Variants in DNAI4 observed in about 807,000 individuals in gnomAD.
DNAI4 encodes the protein dynein axonemal intermediate chain 4, also known as WD repeat domain 78.
DNAI4 carries 85 observed loss-of-function variants against 105.8 expected under a neutral mutation model. The observed-to-expected ratio is 0.80, with a 90% CI of 0.67 to 0.96. The LOEUF is 0.96. Among genes scored for constraint, DNAI4 ranks in the 40% least tolerant of loss-of-function variants. The pLI, the probability that DNAI4 is intolerant of heterozygous loss-of-function variation, is 0.00. For synonymous variants in DNAI4, 352 were observed against 331.5 expected (o/e 1.06, Z -0.67); for missense variants, 1,014 against 1,005.6 (o/e 1.01, Z -0.11).
At chr1:66,862,595 G>C (rs1258920762) in intron 6 of DNAI4, among the ~76,000 whole-genome samples, 1 of 152,060 alleles carries the variant, frequency 6.6e-6, no homozygotes, top group Non-Finnish European at 1.5e-5. Flanking sequence ...AGAATCTACT[G>C]TTTATTTTTA....
chr1:66,867,828 TG>T (rs2100639940), intron 6 of DNAI4, among the ~76,000 whole-genome samples: 1 of 152,346 alleles, frequency 6.6e-6, no homozygotes, highest in South Asian at 2.1e-4. Flanking sequence ...TAGTTGGAAC[TG>T]CCAAAACAAA....
intron 6 of DNAI4, among the ~76,000 whole-genome samples, chr1:66,866,618 T>C (rs1211666735): frequency 6.6e-6 from 1 of 152,178 alleles, no homozygotes; most frequent in Admixed American, 6.5e-5. Context: ...TGTTTCACAG[T>C]TGGTTTTGGT....
chr1:66,849,681 C>T (rs1397321527), intron 7 of DNAI4, among the ~76,000 whole-genome samples: 1 of 152,018 alleles, frequency 6.6e-6, no homozygotes, highest in African/African-American at 2.4e-5. Flanking sequence ...TAGAAAGTAT[C>T]ATCAAAGGAA....
chr1:66,833,927 T>A, intron 12 of DNAI4, 64 bp downstream of exon 12: 1 of 1,520,374 alleles, frequency 6.6e-7, no homozygotes, highest in Non-Finnish European at 8.8e-7. Context: ...CTTTCACACA[T>A]GGTTAACTAG....
At chr1:66,823,371 G>A (rs984617832) in intron 15 of DNAI4, among the ~76,000 whole-genome samples, 8 of 152,066 alleles carry the variant, frequency 5.3e-5, no homozygotes, top group Non-Finnish European at 1.2e-4. Context: ...ATAAACATGC[G>A]TGTGCATGTG....
chr1:66,871,463 T>C lies in DNAI4; in HGVS notation c.847A>G (p.Asn283Asp). The change falls in exon 6 of 17, where the codon AAT (asparagine) becomes GAT (aspartate). Residue 283 changes from asparagine to aspartate, a missense_variant. Physicochemically the swap from Asn to Asp is conservative, Grantham distance 23. Coordinates refer to ENST00000371026, the MANE Select transcript of DNAI4 (RefSeq NM_024763.5). ...YEVLCRNRLG[N>D]DLYVERMMQT... is the part of the protein sequence containing the mutation. ...ATCATCCTTTCAACATATAGGTCAT[T>C]GCCTAATCTGTTTCTACAAAGGACT... The C allele has an allele frequency of 1.2e-6, 2 of 1,610,196 alleles. No homozygotes were observed. The highest frequency in any genetic ancestry group is 8.5e-7 in the Non-Finnish European group (1 of 1,178,362).
At chr1:66,827,090 C>G in intron 14 of DNAI4, 44 bp from the exon 15 acceptor site, 2 of 1,487,026 alleles carry the variant, frequency 1.3e-6, no homozygotes, top group Non-Finnish European at 1.8e-6. Flanking sequence ...TATTTAACAT[C>G]TTTTATTTTA....
chr1:66,882,062 G>C (rs1373450773), intron 4 of DNAI4, among the ~76,000 whole-genome samples: 1 of 152,098 alleles, frequency 6.6e-6, no homozygotes, highest in Admixed American at 6.5e-5. Flanking sequence ...CACCATGATT[G>C]TGAGGCCTCC....
intron 7 of DNAI4, among the ~76,000 whole-genome samples, chr1:66,851,327 A>C (rs543716004): frequency 6.6e-6 from 1 of 152,040 alleles, no homozygotes; most frequent in African/African-American, 2.4e-5. Context: ...AAGGCTATAA[A>C]ATATGTAAAG....
At chr1:66,924,274 G>C (rs1441761416) in intron 1 of DNAI4, among the ~76,000 whole-genome samples, 1 of 152,194 alleles carries the variant, frequency 6.6e-6, no homozygotes, top group Non-Finnish European at 1.5e-5. Flanking sequence ...GGGTTCAAGG[G>C]ATTCTCCTGC....
intron 15 of DNAI4, among the ~76,000 whole-genome samples, chr1:66,822,850 T>C (rs888690339): frequency 6.6e-6 from 1 of 152,080 alleles, no homozygotes; most frequent in African/African-American, 2.4e-5. Context: ...ATTGTAAAGA[T>C]ATTTTTTTCA....
At chr1:66,913,868 G>A (rs1454128290) in intron 1 of DNAI4, among the ~76,000 whole-genome samples, 1 of 152,032 alleles carries the variant, frequency 6.6e-6, no homozygotes, top group African/African-American at 2.4e-5. Context: ...TGTAGTCCCA[G>A]CTACTCGGGA....
intron 8 of DNAI4, among the ~76,000 whole-genome samples, chr1:66,841,996 T>C (rs972546643): frequency 2.6e-5 from 4 of 152,232 alleles, no homozygotes; most frequent in African/African-American, 9.6e-5. Context: ...CATCCCTCTC[T>C]GGTCCCTCGT....
chr1:66,826,455 C>G (rs989110672), intron 15 of DNAI4, among the ~76,000 whole-genome samples: 1 of 152,106 alleles, frequency 6.6e-6, no homozygotes, highest in Non-Finnish European at 1.5e-5. Flanking sequence ...CATGCCACCA[C>G]ACCTGGCTAG....
At chr1:66,861,410 A>C (rs1482426039) in intron 7 of DNAI4, among the ~76,000 whole-genome samples, 2 of 152,220 alleles carry the variant, frequency 1.3e-5, no homozygotes, top group Non-Finnish European at 2.9e-5. Flanking sequence ...GAAAAGTAAA[A>C]GTAGATAACC....
rs777185977 is a variant in DNAI4, at chr1:66,840,542, C to T, written c.1421G>A (p.Arg474Gln). 6 of 1,614,102 alleles carry T rather than the reference C, an allele frequency of 3.7e-6. No individual in the cohort carries two copies. The African/African-American group carries it at 6.7e-5, about 18-fold the overall frequency. Reference protein sequence around the residue: ...EESTIPANLERLWSFSCDLTK... With the variant: ...EESTIPANLEQLWSFSCDLTK... ...TAAGTCACAGGAAAAAGACCAAAGT[C>T]GTTCCAAGTTGGCGGGTATTGTTGA... is the stretch of plus-strand genomic sequence containing the variant. The change falls in exon 9 of 17, where the codon CGA becomes CAA. Residue 474 changes from arginine (R) to glutamine (Q), a missense_variant. Physicochemically the swap from Arg to Gln is conservative, Grantham distance 43 (BLOSUM62 1). Coordinates refer to ENST00000371026, the MANE Select transcript of DNAI4 (RefSeq NM_024763.5).
intron 1 of DNAI4, chr1:66,919,243 C>T: frequency 3.9e-6 from 1 of 256,770 alleles, no homozygotes; most frequent in Non-Finnish European, 8.4e-6. Flanking sequence ...TAACTGAGAC[C>T]TGTCTCAAAT....
chr1:66,889,667 AG>A (rs919386871), intron 4 of DNAI4, among the ~76,000 whole-genome samples: 5 of 152,192 alleles, frequency 3.3e-5, no homozygotes, highest in Non-Finnish European at 7.3e-5. Flanking sequence ...ATCATTTTAA[AG>A]GAAAAAAATC....
rs146652240 is a variant in DNAI4 at position 66,891,120 on chromosome 1, C to A, written c.643+34G>T. ...ATAAGCATATTGACTAAATAACGGA[C>A]TGTTACTGAAATAAACAAGTATATT... On this transcript the variant is annotated intron_variant, in intron 4 of 16. Coordinates refer to ENST00000371026, the MANE Select transcript of DNAI4 (RefSeq NM_024763.5). 6.3e-6 allele frequency: 9 copies of A among 1,437,048 alleles called. No homozygotes were observed. The Middle Eastern group carries it at 7.0e-4, about 111-fold the overall frequency. The allele number at this position is 1,437,048 out of a possible 1,614,324, so 89.0% of individuals were successfully genotyped here.
Sources: gnomAD v4.1 joint callset for allele counts (sites outside exome capture counted in the v4.1 genomes callset) on GRCh38, gnomAD v4.1.1 for gene constraint, MANE v1.5 for transcripts, NCBI Gene and HGNC (gene_info 2026-07-23, HGNC 2026-07-21) for gene names.